The following R3HDM2 variants were observed in gnomAD, a reference collection of about 807,000 sequenced individuals.
The protein encoded by R3HDM2 is R3H domain-containing protein 2.
Under a neutral mutation model 124.5 loss-of-function variants are expected in R3HDM2, and 38 were observed. That is an observed-to-expected ratio of 0.31 (90% CI 0.24 to 0.40). The LOEUF is 0.40. Ranked by LOEUF, R3HDM2 falls within the 10% of genes least tolerant of loss-of-function variation. The pLI is 1.00. For synonymous variants in R3HDM2, 391 were observed against 448.0 expected (o/e 0.87, Z 1.61); for missense variants, 869 against 1,236.9 (o/e 0.70, Z 4.46).
intron 2 of R3HDM2, among the ~76,000 whole-genome samples, chr12:57,322,554 T>C (rs984398358): frequency 6.6e-6 from 1 of 152,244 alleles, no homozygotes; most frequent in Non-Finnish European, 1.5e-5. Context: ...TGATCAAGGT[T>C]CCGTCACTAA....
At chr12:57,270,750 G>T (rs2043417370) in intron 14 of R3HDM2, among the ~76,000 whole-genome samples, 1 of 151,934 alleles carries the variant, frequency 6.6e-6, no homozygotes, top group African/African-American at 2.4e-5. Flanking sequence ...TGTATTTTTA[G>T]TAGAGACGGG....
chr12:57,423,910 T>A (rs1428412804), intron 1 of R3HDM2, among the ~76,000 whole-genome samples: 3 of 146,146 alleles, frequency 2.1e-5, no homozygotes, highest in Non-Finnish European at 3.0e-5. Context: ...AGGTCAGGAG[T>A]TCGAGGCCAG....
At chr12:57,256,822 C>CT (rs757111053) in intron 21 of R3HDM2, among the ~76,000 whole-genome samples, 1,751 of 141,168 alleles carry the variant, frequency 0.012, 26 homozygotes, top group Non-Finnish European at 0.016. Flanking sequence ...TTTTATCTCT[C>CT]TTTTTTTTTT....
At chr12:57,280,650 C>T in intron 13 of R3HDM2, 120 bp from the exon 14 acceptor site, 1 of 863,042 alleles carries the variant, frequency 1.2e-6, no homozygotes, top group Non-Finnish European at 1.7e-6. Context: ...CCCTTTTGTC[C>T]CCTCCCCCAC....
chr12:57,350,589 T>TA (rs2060580165), intron 2 of R3HDM2, among the ~76,000 whole-genome samples: 1 of 152,044 alleles, frequency 6.6e-6, no homozygotes, highest in Non-Finnish European at 1.5e-5. Context: ...GCTATGATTG[T>TA]ACCACTGCAC....
intron 11 of R3HDM2, 138 bp from the exon 12 acceptor site, chr12:57,289,178 G>T (rs1168644841): frequency 3.8e-6 from 3 of 785,990 alleles, no homozygotes; most frequent in African/African-American, 3.4e-5. Context: ...AGGGGCCAGG[G>T]ACAGGATGAC....
At chr12:57,295,333 C>T in intron 10 of R3HDM2, 66 bp downstream of exon 10, 1 of 1,102,756 alleles carries the variant, frequency 9.1e-7, no homozygotes, top group Non-Finnish European at 1.3e-6. Flanking sequence ...CACAAAAATT[C>T]TTCTCCCTTC....
chr12:57,304,214 T>C (rs1017460027), intron 3 of R3HDM2, among the ~76,000 whole-genome samples: 9 of 150,974 alleles, frequency 6.0e-5, no homozygotes, highest in African/African-American at 2.2e-4. Flanking sequence ...GGGAAGAGAG[T>C]GGATAAGGGT....
At chr12:57,370,275 CCCTTT>C (rs892987454) in intron 2 of R3HDM2, among the ~76,000 whole-genome samples, 18 of 152,118 alleles carry the variant, frequency 1.2e-4, no homozygotes, top group Non-Finnish European at 2.4e-4. Flanking sequence ...ATGCCTGCTT[CCCTTT>C]CCACCATGAC....
chr12:57,361,950 T>G (rs2062011507), intron 2 of R3HDM2, among the ~76,000 whole-genome samples: 1 of 152,056 alleles, frequency 6.6e-6, no homozygotes, highest in South Asian at 2.1e-4. Flanking sequence ...CTGGGCAACA[T>G]GGCAAAACCC....
intron 18 of R3HDM2, 91 bp from the exon 19 acceptor site, chr12:57,266,922 TG>T (rs1266007869): frequency 9.5e-6 from 9 of 948,526 alleles, no homozygotes; most frequent in Non-Finnish European, 1.2e-5. Context: ...TCCTCCCCTA[TG>T]GGAAGGAGAG....
At chr12:57,350,843 G>A (rs2060605737) in intron 2 of R3HDM2, among the ~76,000 whole-genome samples, 1 of 152,088 alleles carries the variant, frequency 6.6e-6, no homozygotes, top group South Asian at 2.1e-4. Context: ...GTTCACGCCT[G>A]TAATCCCAGC....
intron 2 of R3HDM2, among the ~76,000 whole-genome samples, chr12:57,312,672 A>G (rs1031212536): frequency 6.6e-6 from 1 of 152,116 alleles, no homozygotes; most frequent in African/African-American, 2.4e-5. Context: ...GGAGTTCGAG[A>G]CCAGCCTGAC....
At chr12:57,272,408 C>G (rs1262858386) in intron 14 of R3HDM2, 3 of 1,465,738 alleles carry the variant, frequency 2.0e-6, no homozygotes, top group Non-Finnish European at 2.8e-6. Context: ...CCTACAGATA[C>G]AGGCCACACA....
intron 12 of R3HDM2, among the ~76,000 whole-genome samples, chr12:57,287,260 C>A (rs2047562648): frequency 6.6e-6 from 1 of 152,216 alleles, no homozygotes; most frequent in Non-Finnish European, 1.5e-5. Flanking sequence ...GACTGTAAAG[C>A]ACTGTGCATT....
Position 57,296,082 on chromosome 12 carries a change from C to T in R3HDM2, c.701+329G>A, listed in dbSNP as rs138889799. ...ACGGGGTTTCACCATCTTGGCCAAG[C>T]GGGTCTTGAACTCCTGACCTTATGA... On this transcript the variant is annotated intron_variant, in intron 9 of 23. Coordinates refer to ENST00000402412, the MANE Select transcript of R3HDM2 (RefSeq NM_001394031.1). This position sits in a 1 kb window ranked among gnomAD's most constrained non-coding sequence, Gnocchi z 4.5. Among the ~76,000 whole-genome samples, 8,426 of 151,718 alleles carry T rather than the reference C, an allele frequency of 0.056. 663 individuals are homozygous for T. Among genetic ancestry groups the T allele is most frequent in the African/African-American group, 0.18 (7,334 of 41,344 alleles).
chr12:57,359,222 G>A (rs1182238689), intron 2 of R3HDM2, among the ~76,000 whole-genome samples: 1 of 151,940 alleles, frequency 6.6e-6, no homozygotes, highest in Non-Finnish European at 1.5e-5. Context: ...CAGTCCCCTG[G>A]CTAATTTTTC....
At chr12:57,295,366 C>T in intron 10 of R3HDM2, 33 bp downstream of exon 10, 3 of 1,450,814 alleles carry the variant, frequency 2.1e-6, no homozygotes, top group Non-Finnish European at 2.8e-6. Context: ...ACTGCAAACT[C>T]TCTATATAGG....
rs77262397 is a variant in R3HDM2 at position 57,375,201 on chromosome 12, T to C, written c.-36+20548A>G. On this transcript the variant is annotated intron_variant, in intron 2 of 23. Coordinates refer to ENST00000402412, the MANE Select transcript of R3HDM2 (RefSeq NM_001394031.1). ...CAAAAATTAAAAATAAATAAAAATA[T>C]ACACCTCTCTTCATAAGTCTGAGAT... Among the ~76,000 whole-genome samples, 880 of 152,100 alleles carry C rather than the reference T, an allele frequency of 5.8e-3. 41 individuals carry two copies. The East Asian group carries it at 0.11, about 19-fold the overall frequency.
Sources: allele counts gnomAD v4.1 joint callset (sites outside exome capture counted in the v4.1 genomes callset), GRCh38; gene constraint gnomAD v4.1.1; non-coding constraint Gnocchi (gnomAD v3.1); transcripts MANE v1.5; gene names NCBI Gene and HGNC (gene_info 2026-07-23, HGNC 2026-07-21).